CARTPT: variants seen among roughly 807,000 people sequenced by gnomAD.
CARTPT encodes the protein cocaine- and amphetamine-regulated transcript protein.
Under a neutral mutation model 12.2 loss-of-function variants are expected in CARTPT, and 6 were observed. The ratio of observed to expected loss-of-function variants is 0.49; its 90% CI spans 0.27 to 0.97. The LOEUF is 0.97. Among genes scored for constraint, CARTPT ranks in the 50% least tolerant of loss-of-function variants. The pLI, the probability that CARTPT is intolerant of heterozygous loss-of-function variation, is 0.12. For synonymous variants in CARTPT, 75 were observed against 64.1 expected, an observed-to-expected ratio of 1.17 and a Z score of -0.82; for missense variants, 135 against 142.0, an observed-to-expected ratio of 0.95 and a Z score of 0.25.
At chr5:71,720,059 T>C in intron 2 of CARTPT, 96 bp downstream of exon 2, 2 of 1,086,456 alleles carry the variant, frequency 1.8e-6, no homozygotes, top group Non-Finnish European at 2.8e-6. Flanking sequence ...TGTGGCTAAA[T>C]AACTTAGGTA....
rs1309980721 is a variant in CARTPT at position 71,719,749 on chromosome 5, C to G, written c.160-131C>G. ...TAAGTTTCCACCCCTCGACCATTCCCTGTGTCCGCGGAGTCCCACCGCAGA... is the reference window on the plus strand; with the variant it reads ...TAAGTTTCCACCCCTCGACCATTCCGTGTGTCCGCGGAGTCCCACCGCAGA... On this transcript the variant is annotated intron_variant, in intron 1 of 2. Coordinates refer to ENST00000296777, the MANE Select transcript of CARTPT (RefSeq NM_004291.4). The G allele has an allele frequency of 5.6e-6, 5 of 895,156 alleles. No homozygotes were observed. In the East Asian group the frequency reaches 7.4e-5, roughly 13 times the overall value. The allele number at this position is 895,156 out of a possible 1,614,324, so 55.5% of individuals were successfully genotyped here.
At chr5:71,720,219 G>A (rs1748680105) in intron 2 of CARTPT, among the ~76,000 whole-genome samples, 1 of 152,150 alleles carries the variant, frequency 6.6e-6, no homozygotes, top group Admixed American at 6.5e-5. Flanking sequence ...GCAAGAAAAG[G>A]AGCCAGGAAA....
chr5:71,719,384 G>A lies in CARTPT; in HGVS notation c.91G>A (p.Ala31Thr). ...GTTGGGTACCCGTGCCCAGGAGGACGCCGAGCTCCAGCCCCGAGCCCTGGA... is the reference window on the plus strand; with the variant it reads ...GTTGGGTACCCGTGCCCAGGAGGACACCGAGCTCCAGCCCCGAGCCCTGGA... ...PLLGTRAQEDAELQPRALDIY... is the reference protein window; with the variant it reads ...PLLGTRAQEDTELQPRALDIY... The change falls in exon 1 of 3, where the codon GCC becomes ACC. Residue 31 changes from alanine to threonine, a missense_variant. Transcript: ENST00000296777. 5 of 1,614,098 alleles carry A rather than the reference G, an allele frequency of 3.1e-6. No individual in the cohort carries two copies. Among genetic ancestry groups the A allele is most frequent in the Non-Finnish European group, 4.2e-6 (5 of 1,180,020 alleles).
chr5:71,719,676 A>AGCGGCTCAGGGG, intron 1 of CARTPT: 2 of 743,478 alleles, frequency 2.7e-6, no homozygotes, highest in Non-Finnish European at 4.5e-6. Flanking sequence ...AGCAACAGGG[A>AGCGGCTCAGGGG]CCCCAGCGGC....
In CARTPT at chr5:71,719,402, G is replaced by A. The variant is rs1306659467; in HGVS notation, c.109G>A (p.Ala37Thr). ...AQEDAELQPRALDIYSAVDDA... is the reference protein window; with the variant it reads ...AQEDAELQPRTLDIYSAVDDA... ...GGAGGACGCCGAGCTCCAGCCCCGA[G>A]CCCTGGACATCTACTCTGCCGTGGA... Residue 37 changes from alanine to threonine, a missense_variant, in exon 1 of 3, where the codon GCC (alanine) becomes ACC (threonine). Physicochemically the swap from Ala to Thr is moderately conservative, Grantham distance 58. Coordinates refer to ENST00000296777, the MANE Select transcript of CARTPT (RefSeq NM_004291.4). 16 of 1,614,018 alleles carry A rather than the reference G, an allele frequency of 9.9e-6. No homozygotes were observed. The highest frequency in any genetic ancestry group is 1.4e-5 in the Non-Finnish European group (16 of 1,180,032).
rs376776917 is a variant in CARTPT at position 71,719,369 on chromosome 5, C to T, written c.76C>T (p.Arg26Cys). The T allele has an allele frequency of 2.6e-5, 42 of 1,614,006 alleles. No individual in the cohort carries two copies. The highest frequency in any genetic ancestry group is 3.3e-5 in the Admixed American group (2 of 60,012). ...LLLMLPLLGT[R>C]AQEDAELQPR... Reference sequence around the variant, plus strand: ...GCTGATGCTACCTCTGTTGGGTACCCGTGCCCAGGAGGACGCCGAGCTCCA... The same window carrying T: ...GCTGATGCTACCTCTGTTGGGTACCTGTGCCCAGGAGGACGCCGAGCTCCA... The change falls in exon 1 of 3, where the codon CGT (arginine) becomes TGT (cysteine). Residue 26 changes from arginine (R) to cysteine (C), a missense_variant. Physicochemically the swap from Arg to Cys is radical, Grantham distance 180. Transcript: ENST00000296777.
At chr5:71,719,808 G>T in intron 1 of CARTPT, 72 bp from the exon 2 acceptor site, 1 of 1,416,106 alleles carries the variant, frequency 7.1e-7, no homozygotes, top group Non-Finnish European at 1.0e-6. Flanking sequence ...TATAACTAGG[G>T]CTGGAAGTGC....
At chr5:71,719,674 G>A (rs1018834783) in intron 1 of CARTPT, 84 of 753,058 alleles carry the variant, frequency 1.1e-4, no homozygotes, top group South Asian at 4.6e-4. Flanking sequence ...TGAGCAACAG[G>A]GACCCCAGCG....
chr5:71,719,826 G>A (rs146148040), intron 1 of CARTPT, 54 bp from the exon 2 acceptor site: 224 of 1,562,870 alleles, frequency 1.4e-4, no homozygotes, highest in Non-Finnish European at 1.7e-4. Context: ...TGCGCACCTG[G>A]GCTGGGCTCG....
At position 71,719,655 on chromosome 5, in the gene CARTPT, C is replaced by CG; in HGVS notation, c.159+205dup. On this transcript the variant is annotated intron_variant, in intron 1 of 2. Transcript: ENST00000296777. ...AGTCTGTTGAGCGAATCCCTCATCC[C>CG]GGCCCCTCTGAGCAACAGGGACCCC... is the stretch of plus-strand genomic sequence containing the variant. 4.0e-6 allele frequency: 3 copies of CG among 759,058 alleles called. No homozygotes were observed. The South Asian group carries it at 5.0e-5, about 13-fold the overall frequency. The allele number at this position is 759,058 out of a possible 1,614,324, so 47.0% of individuals were successfully genotyped here.
rs766823448 is a variant in CARTPT at position 71,719,460 on chromosome 5, T to C, written c.159+8T>C. The C allele has an allele frequency of 1.9e-6, 3 of 1,614,060 alleles. No individual in the cohort carries two copies. The East Asian group carries it at 6.7e-5, about 36-fold the overall frequency. ...TCCCACGAGAAGGAGCTGGTCGGTATTCCCCTCGCTCTCGACCCCCTTGAG... is the reference window on the plus strand; with the variant it reads ...TCCCACGAGAAGGAGCTGGTCGGTACTCCCCTCGCTCTCGACCCCCTTGAG... On this transcript the variant is annotated splice_region_variant and intron_variant, in intron 1 of 2. Transcript: ENST00000296777.
In CARTPT at chr5:71,720,553, G is replaced by A. The variant is rs765072100; in HGVS notation, c.289G>A (p.Gly97Arg). The A allele has an allele frequency of 8.1e-6, 13 of 1,613,198 alleles. No individual in the cohort carries two copies. Among genetic ancestry groups the A allele is most frequent in the South Asian group, 4.4e-5 (4 of 90,634 alleles). Residue 97 changes from glycine to arginine, a missense_variant, in exon 3 of 3, where the codon GGG becomes AGG. Transcript: ENST00000296777. ...QCAVRKGARI[G>R]KLCDCPRGTS... ...TGCAGTGAGGAAAGGGGCAAGGATC[G>A]GGAAGCTGTGTGACTGTCCCCGAGG...
chr5:71,720,518 G>C lies in CARTPT; in HGVS notation c.254G>C (p.Gly85Ala), dbSNP rs1309782280. The C allele has an allele frequency of 2.5e-6, 4 of 1,612,426 alleles. No homozygotes were observed. The highest frequency in any genetic ancestry group is 3.4e-6 in the Non-Finnish European group (4 of 1,179,478). The change falls in exon 3 of 3, where the codon GGT becomes GCT. Residue 85 changes from glycine (G) to alanine (A), a missense_variant. Coordinates refer to ENST00000296777, the MANE Select transcript of CARTPT (RefSeq NM_004291.4). ...ATTTTGTTGTTTCAGTGTGACGCCG[G>C]TGAGCAGTGTGCAGTGAGGAAAGGG... ...KYGQVPMCDA[G>A]EQCAVRKGAR... is the part of the protein sequence containing the mutation.
In CARTPT at chr5:71,720,629, C is replaced by G. The variant is rs372953353; in HGVS notation, c.*14C>G. Reference sequence around the variant, plus strand: ...AAGTGCTTATGAAGGGGCGTCCATTCTCCTCCATACATCCCCATCCCTCTA... The same window carrying G: ...AAGTGCTTATGAAGGGGCGTCCATTGTCCTCCATACATCCCCATCCCTCTA... On this transcript the variant is annotated 3_prime_UTR_variant, in exon 3 of 3. Coordinates refer to ENST00000296777, the MANE Select transcript of CARTPT (RefSeq NM_004291.4). The G allele has an allele frequency of 6.4e-7, 1 of 1,572,378 alleles. No homozygotes were observed. The highest frequency in any genetic ancestry group is 1.1e-5 in the South Asian group (1 of 86,990).
Position 71,720,834 on chromosome 5 carries a change from C to T in CARTPT, c.*219C>T, listed in dbSNP as rs1387094628. On this transcript the variant is annotated 3_prime_UTR_variant, in exon 3 of 3. Transcript: ENST00000296777. ...GGTGTTGATACGTGTGTGAAGTATT[C>T]TTATTTTATTTGTCTGACAAACTCT... 1 of 540,310 alleles carries T rather than the reference C, an allele frequency of 1.9e-6. No homozygotes were observed. Among genetic ancestry groups the T allele is most frequent in the East Asian group, 3.2e-5 (1 of 31,028 alleles). 33.5% of individuals were successfully genotyped at this position (540,310 alleles called of 1,614,324 possible).
At chr5:71,719,503 C>T (rs1480814543) in intron 1 of CARTPT, 51 bp downstream of exon 1, 2 of 1,604,134 alleles carry the variant, frequency 1.2e-6, no homozygotes, top group East Asian at 4.5e-5. Flanking sequence ...CTTGTCTCTT[C>T]TCTTGCACGC....
rs1488280689 is a variant in CARTPT, at chr5:71,719,954, A to G, written c.234A>G (p.Gln78=). The G allele has an allele frequency of 6.8e-6, 11 of 1,613,988 alleles. No individual in the cohort carries two copies. In the Middle Eastern group the frequency reaches 4.9e-4, roughly 72 times the overall value. ...CCATCTATGAGAAGAAGTATGGCCA[A>G]GTCCCCATGGTAAGGTTTGTGGTCA... ...RVPIYEKKYG[Q]VPMCDAGEQC... The change falls in exon 2 of 3, where the codon CAA becomes CAG. Residue 78 remains glutamine, a synonymous_variant. Transcript: ENST00000296777.
chr5:71,720,403 T>C lies in CARTPT; in HGVS notation c.244-105T>C, dbSNP rs568958562. 9.6e-5 allele frequency: 88 copies of C among 919,510 alleles called. 3 individuals are homozygous for C. The South Asian group carries it at 1.1e-3, about 12-fold the overall frequency. 57.0% of individuals were successfully genotyped at this position (919,510 alleles called of 1,614,324 possible). The stretch of plus-strand genomic sequence containing the variant: ...TAGACCTCTTGTGATGGTGATGGGG[T>C]CCAATTGCCCCTTTCAAGAGACAGA... On this transcript the variant is annotated intron_variant, in intron 2 of 2. Transcript: ENST00000296777.
At chr5:71,719,788 C>A in intron 1 of CARTPT, 92 bp from the exon 2 acceptor site, 2 of 1,195,310 alleles carry the variant, frequency 1.7e-6, no homozygotes, top group East Asian at 2.3e-5. Context: ...CGTGTGGGTC[C>A]GGGGCTCCTT....
Sources: gnomAD v4.1 joint callset for allele counts (sites outside exome capture counted in the v4.1 genomes callset) on GRCh38, gnomAD v4.1.1 for gene constraint, MANE v1.5 for transcripts, NCBI Gene and HGNC (gene_info 2026-07-23, HGNC 2026-07-21) for gene names.